SMIM13: variants seen among roughly 807,000 people sequenced by gnomAD.
The protein encoded by SMIM13 is small integral membrane protein 13, also known as UPF0766 protein C6orf228.
Under a neutral mutation model 5.9 loss-of-function variants are expected in SMIM13, and 3 were observed. The observed-to-expected ratio is 0.51, with a 90% CI of 0.23 to 1.31. The LOEUF (loss-of-function observed/expected upper bound fraction) is 1.31. Ranked by LOEUF, SMIM13 falls within the 40% of genes most tolerant of loss-of-function variation. SMIM13 has a pLI of 0.18. For missense variants in SMIM13, 85 were observed against 109.9 expected (o/e 0.77, Z 1.01); for synonymous variants, 55 against 46.0 (o/e 1.19, Z -0.79).
intron 1 of SMIM13, among the ~76,000 whole-genome samples, chr6:11,115,196 A>G (rs1041752343): frequency 3.7e-4 from 57 of 152,174 alleles, no homozygotes; most frequent in African/African-American, 1.2e-3. Flanking sequence ...TACAATTGCT[A>G]TATTGGTTTT....
intron 1 of SMIM13, among the ~76,000 whole-genome samples, chr6:11,095,694 A>G (rs2113634443): frequency 1.3e-5 from 2 of 152,354 alleles, no homozygotes; most frequent in East Asian, 3.9e-4. Context: ...CTGTAACACC[A>G]GGTTAAAGCT....
At chr6:11,113,031 A>G (rs1758190557) in intron 1 of SMIM13, among the ~76,000 whole-genome samples, 1 of 152,110 alleles carries the variant, frequency 6.6e-6, no homozygotes, top group African/African-American at 2.4e-5. Context: ...GGGTTTCACC[A>G]TGTTGGCCAG....
chr6:11,120,140 G>A (rs72825134), intron 1 of SMIM13, among the ~76,000 whole-genome samples: 3,082 of 152,320 alleles, frequency 0.02, 47 homozygotes, highest in South Asian at 0.049. Context: ...TCATGAAGGT[G>A]AGATTATATA....
At chr6:11,103,655 T>C (rs9393931) in intron 1 of SMIM13, 239,488 of 1,503,026 alleles carry the variant, frequency 0.16, 21,125 homozygotes, top group East Asian at 0.41. Context: ...GGATTTCGCC[T>C]CTGTCGTGTT....
chr6:11,106,897 C>G (rs1758092184), intron 1 of SMIM13, among the ~76,000 whole-genome samples: 1 of 152,220 alleles, frequency 6.6e-6, no homozygotes. Flanking sequence ...CCTCTCCTTC[C>G]AGATAGCTGT....
chr6:11,117,632 G>A (rs764407681), intron 1 of SMIM13, among the ~76,000 whole-genome samples: 1 of 151,366 alleles, frequency 6.6e-6, no homozygotes, highest in Non-Finnish European at 1.5e-5. Context: ...CAGATATTTC[G>A]TTATCAGTTT....
At chr6:11,099,483 G>A (rs761190177) in intron 1 of SMIM13, among the ~76,000 whole-genome samples, 6 of 152,134 alleles carry the variant, frequency 3.9e-5, no homozygotes, top group Admixed American at 1.3e-4. Flanking sequence ...CATACTACAT[G>A]TTTTACTTGT....
At chr6:11,108,434 G>A (rs544731118) in intron 1 of SMIM13, among the ~76,000 whole-genome samples, 2 of 152,308 alleles carry the variant, frequency 1.3e-5, no homozygotes, top group South Asian at 2.1e-4. Flanking sequence ...TGTCCTGAGG[G>A]CCTTTCAGCT....
At chr6:11,094,454 TTTGTTGTTTG>T in intron 1 of SMIM13, 65 bp downstream of exon 1, 2 of 1,315,198 alleles carry the variant, frequency 1.5e-6, no homozygotes, top group Non-Finnish European at 2.1e-6. Flanking sequence ...TGGGGTTTTT[TTTGTTGTTTG>T]TTTTTTTGAA....
intron 1 of SMIM13, among the ~76,000 whole-genome samples, chr6:11,106,167 C>T (rs1158436760): frequency 6.6e-6 from 1 of 152,200 alleles, no homozygotes; most frequent in African/African-American, 2.4e-5. Context: ...GTTGGCTGAA[C>T]TGAGGAATGA....
intron 1 of SMIM13, among the ~76,000 whole-genome samples, chr6:11,121,223 CCCTCACCT>C (rs1312441264): frequency 1.2e-4 from 18 of 152,098 alleles, no homozygotes; most frequent in African/African-American, 4.3e-4. Flanking sequence ...TGTACTTTGC[CCCTCACCT>C]CTCCTTTCTT....
At chr6:11,094,577 TC>T (rs770662636) in intron 1 of SMIM13, among the ~76,000 whole-genome samples, 188 bp downstream of exon 1, 5 of 152,140 alleles carry the variant, frequency 3.3e-5, no homozygotes, top group Non-Finnish European at 7.4e-5. Context: ...TGGCCGGCCC[TC>T]GGGCATCCTG....
Position 11,103,701 on chromosome 6 carries a change from G to C in SMIM13, c.76+9312G>C, listed in dbSNP as rs1022412459. 2.6e-6 allele frequency: 4 copies of C among 1,550,124 alleles called. No individual in the cohort carries two copies. The African/African-American group carries it at 4.1e-5, about 16-fold the overall frequency. Reference sequence around the variant, plus strand: ...GCAGTCTAGGGGTCCTCCTTAGAAGGGTGACTCTTGAATATTGCGAGGATG... The same window carrying C: ...GCAGTCTAGGGGTCCTCCTTAGAAGCGTGACTCTTGAATATTGCGAGGATG... On this transcript the variant is annotated intron_variant, in intron 1 of 1. Transcript: ENST00000416247.
At chr6:11,103,076 T>C (rs946697883) in intron 1 of SMIM13, 5 of 152,222 alleles carry the variant, frequency 3.3e-5, no homozygotes, top group African/African-American at 1.2e-4. Flanking sequence ...CTGCCAGCAC[T>C]TGGGAGGGGA....
intron 1 of SMIM13, among the ~76,000 whole-genome samples, chr6:11,131,735 G>A (rs1758451929): frequency 6.6e-6 from 1 of 152,096 alleles, no homozygotes; most frequent in Admixed American, 6.5e-5. Flanking sequence ...TCATGCAAAA[G>A]GATGAATTTG....
At chr6:11,099,930 C>T (rs1337530859) in intron 1 of SMIM13, among the ~76,000 whole-genome samples, 1 of 152,178 alleles carries the variant, frequency 6.6e-6, no homozygotes, top group East Asian at 1.9e-4. Flanking sequence ...ACATTATTCT[C>T]TGCTGGTTAA....
intron 1 of SMIM13, chr6:11,104,060 A>G: frequency 6.4e-7 from 1 of 1,551,742 alleles, no homozygotes; most frequent in Non-Finnish European, 8.7e-7. Context: ...CTAGTCCTCG[A>G]CGATTTTGAA....
intron 1 of SMIM13, among the ~76,000 whole-genome samples, chr6:11,115,189 A>C (rs545115534): frequency 1.2e-4 from 19 of 152,296 alleles, no homozygotes; most frequent in African/African-American, 4.6e-4. Flanking sequence ...ATTTACATAC[A>C]ATTGCTATAT....
rs1758509572 is a variant in SMIM13 at position 11,135,712 on chromosome 6, A to G, written c.*1110A>G. The G allele has an allele frequency of 6.6e-6, 1 of 152,572 alleles. No homozygotes were observed. The highest frequency in any genetic ancestry group is 2.4e-5 in the African/African-American group (1 of 41,458). The allele number at this position is 152,572 out of a possible 1,614,324, so 9.5% of individuals were successfully genotyped here. The stretch of plus-strand genomic sequence containing the variant: ...TGAAGTTATAATTATAACTTAACCA[A>G]TTTATTTCACACATTTTCTTTACAT... On this transcript the variant is annotated 3_prime_UTR_variant, in exon 2 of 2. Coordinates refer to ENST00000416247, the MANE Select transcript of SMIM13 (RefSeq NM_001135575.2).
Sources: allele counts gnomAD v4.1 joint callset (sites outside exome capture counted in the v4.1 genomes callset), GRCh38; gene constraint gnomAD v4.1.1; transcripts MANE v1.5; gene names NCBI Gene and HGNC (gene_info 2026-07-23, HGNC 2026-07-21).